Variants in MALRD1 observed in about 807,000 individuals in gnomAD.
The protein encoded by MALRD1 is MAM and LDL-receptor class A domain-containing protein 1.
In MALRD1, 247 loss-of-function variants were observed where a neutral mutation model predicts 242.1. The observed-to-expected ratio is 1.02, with a 90% CI of 0.92 to 1.13. MALRD1 has a LOEUF of 1.13. Ranked by LOEUF, MALRD1 falls within the 50% of genes most tolerant of loss-of-function variation. The pLI, the probability that MALRD1 is intolerant of heterozygous loss-of-function variation, is 0.00. For synonymous variants in MALRD1, 995 were observed against 866.6 expected, an observed-to-expected ratio of 1.15 and a Z score of -2.60; for missense variants, 2,989 against 2,533.1, an observed-to-expected ratio of 1.18 and a Z score of -3.86.
chr10:19,191,282 AT>A (rs1835963608), intron 14 of MALRD1, among the ~76,000 whole-genome samples: 1 of 152,180 alleles, frequency 6.6e-6, no homozygotes, highest in Admixed American at 6.5e-5. Flanking sequence ...CATCCATTAG[AT>A]TACTACCCAA....
At chr10:19,279,992 C>G in intron 19 of MALRD1, 55 bp from the exon 20 acceptor site, 1 of 1,328,100 alleles carries the variant, frequency 7.5e-7, no homozygotes, top group Non-Finnish European at 9.9e-7. Flanking sequence ...ATCTCTAAAG[C>G]AGTAGAAAAC....
At chr10:19,097,021 G>A (rs1281871673) in intron 4 of MALRD1, among the ~76,000 whole-genome samples, 1 of 152,184 alleles carries the variant, frequency 6.6e-6, no homozygotes, top group African/African-American at 2.4e-5. Context: ...AAAGACGGAA[G>A]CATTTCAGAG....
At chr10:19,349,003 C>A (rs1844250478) in intron 25 of MALRD1, among the ~76,000 whole-genome samples, 1 of 152,176 alleles carries the variant, frequency 6.6e-6, no homozygotes, top group African/African-American at 2.4e-5. Context: ...ACTCTGTCGC[C>A]CAGGCTGGAG....
intron 29 of MALRD1, chr10:19,491,295 A>G (rs1837482619): frequency 2.8e-6 from 2 of 704,412 alleles, no homozygotes; most frequent in African/African-American, 1.8e-5. Context: ...TTTCAGCACC[A>G]TCAAAGTGCA....
chr10:19,048,429 G>T (rs928822151), upstream of MALRD1, among the ~76,000 whole-genome samples: 1 of 152,116 alleles, frequency 6.6e-6, no homozygotes, highest in South Asian at 2.1e-4. Flanking sequence ...TAATGGAAAA[G>T]CATTTTATTT....
intron 2 of MALRD1, among the ~76,000 whole-genome samples, chr10:19,086,358 C>T (rs1444892071): frequency 6.6e-6 from 1 of 152,002 alleles, no homozygotes; most frequent in Non-Finnish European, 1.5e-5. Context: ...TAGACATCAT[C>T]ATCATATTTC....
chr10:19,590,403 T>A lies in MALRD1; in HGVS notation c.5681-4791T>A, dbSNP rs948643436. ...ATTTTATATATGTATATATTTTATATAACATATATAGGTGGTTAGATATCT... is the reference window on the plus strand; with the variant it reads ...ATTTTATATATGTATATATTTTATAAAACATATATAGGTGGTTAGATATCT... On this transcript the variant is annotated intron_variant, in intron 33 of 39. Transcript: ENST00000454679. Among the ~76,000 whole-genome samples the A allele has an allele frequency of 2.0e-5, 3 of 148,116 alleles. No individual in the cohort carries two copies. In the South Asian group the frequency reaches 6.2e-4, roughly 31 times the overall value.
intron 26 of MALRD1, among the ~76,000 whole-genome samples, chr10:19,376,956 G>T (rs1845637309): frequency 6.6e-6 from 1 of 152,144 alleles, no homozygotes; most frequent in Admixed American, 6.5e-5. Context: ...GAATAGCAAG[G>T]AGGACTCTTT....
chr10:19,272,230 A>G (rs1840283322), intron 19 of MALRD1, among the ~76,000 whole-genome samples: 1 of 152,112 alleles, frequency 6.6e-6, no homozygotes. Context: ...TTAAGGCATT[A>G]ATCATAGAAG....
At chr10:19,497,491 TTAAA>T (rs1270018456) in intron 30 of MALRD1, among the ~76,000 whole-genome samples, 1 of 151,900 alleles carries the variant, frequency 6.6e-6, no homozygotes, top group Non-Finnish European at 1.5e-5. Context: ...AATATTTTAT[TTAAA>T]TAATCTCAGG....
At chr10:19,621,016 T>A (rs12252337) in intron 36 of MALRD1, among the ~76,000 whole-genome samples, 10,182 of 151,452 alleles carry the variant, frequency 0.067, 812 homozygotes, top group African/African-American at 0.2. Context: ...AAAAGTCATC[T>A]ATTAAAGTAA....
chr10:19,467,852 G>A (rs1202256929), intron 29 of MALRD1, among the ~76,000 whole-genome samples: 1 of 151,856 alleles, frequency 6.6e-6, no homozygotes, highest in African/African-American at 2.4e-5. Context: ...GGAGTGCAGT[G>A]GCACGATCTC....
At chr10:19,235,750 A>T (rs939200403) in intron 18 of MALRD1, among the ~76,000 whole-genome samples, 4 of 152,158 alleles carry the variant, frequency 2.6e-5, no homozygotes, top group Non-Finnish European at 5.9e-5. Context: ...AATGAGGAGA[A>T]ACAGGGATCA....
At chr10:19,633,456 CA>C (rs1839996821) in intron 36 of MALRD1, among the ~76,000 whole-genome samples, 1 of 152,114 alleles carries the variant, frequency 6.6e-6, no homozygotes, top group South Asian at 2.1e-4. Flanking sequence ...CCCATCATGT[CA>C]AAGCAGAGTG....
At chr10:19,688,146 T>A (rs1477037161) in intron 36 of MALRD1, among the ~76,000 whole-genome samples, 1 of 152,146 alleles carries the variant, frequency 6.6e-6, no homozygotes, top group Non-Finnish European at 1.5e-5. Flanking sequence ...ATTTTTGTAT[T>A]TTTAGTAGAG....
At chr10:19,457,106 A>C (rs563754167) in intron 29 of MALRD1, among the ~76,000 whole-genome samples, 9 of 152,192 alleles carry the variant, frequency 5.9e-5, no homozygotes, top group Non-Finnish European at 1.3e-4. Context: ...ATTTAATTGA[A>C]TCCTTAAGAC....
chr10:19,560,112 A>G (rs544319181), intron 32 of MALRD1, among the ~76,000 whole-genome samples: 6 of 152,292 alleles, frequency 3.9e-5, no homozygotes, highest in East Asian at 1.9e-4. Flanking sequence ...CAGAAATACT[A>G]TTTGACCCAG....
intron 33 of MALRD1, among the ~76,000 whole-genome samples, chr10:19,591,180 T>C (rs1375150406): frequency 6.6e-6 from 1 of 152,232 alleles, no homozygotes; most frequent in Non-Finnish European, 1.5e-5. Flanking sequence ...CATTGGCTTC[T>C]TTCACTTAGT....
intron 23 of MALRD1, among the ~76,000 whole-genome samples, chr10:19,327,948 A>G (rs752678158): frequency 1.3e-5 from 2 of 152,166 alleles, no homozygotes; most frequent in Non-Finnish European, 2.9e-5. Context: ...CCTCACACGT[A>G]TAAGGAACAT....
Sources: allele counts gnomAD v4.1 joint callset (sites outside exome capture counted in the v4.1 genomes callset), GRCh38; gene constraint gnomAD v4.1.1; transcripts MANE v1.5; gene names NCBI Gene and HGNC (gene_info 2026-07-23, HGNC 2026-07-21).